ADAMTSL3: variants seen among roughly 807,000 people sequenced by gnomAD.
The protein encoded by ADAMTSL3 is ADAMTS-like protein 3.
A neutral mutation model predicts 201.7 loss-of-function variants in ADAMTSL3; 128 were observed. The ratio of observed to expected loss-of-function variants is 0.63; its 90% confidence interval spans 0.55 to 0.73. The LOEUF (loss-of-function observed/expected upper bound fraction) is 0.73. Ranked by LOEUF, ADAMTSL3 falls within the 30% of genes least tolerant of loss-of-function variation. The probability of loss-of-function intolerance (pLI) is 0.00; values close to 1 mark genes in which losing one functional copy is unlikely to be tolerated. For missense variants in ADAMTSL3, 1,990 were observed against 2,119.6 expected (o/e 0.94, Z 1.20); for synonymous variants, 738 against 748.4 (o/e 0.99, Z 0.23).
At position 84,039,601 on chromosome 15, in the gene ADAMTSL3, CAT is replaced by C. The variant is rs2141956440; in HGVS notation, c.*1796_*1797del. 6.5e-6 allele frequency: 1 copy of C among 152,688 alleles called. No individual in the cohort carries two copies. Among genetic ancestry groups the C allele is most frequent in the Non-Finnish European group, 1.5e-5 (1 of 68,022 alleles). 9.5% of individuals were successfully genotyped at this position (152,688 alleles called of 1,614,324 possible). ...TATTTTGTACAGTATGTAATAAAGA[CAT>C]GGGACATATATTTTTCTTATTAACA... On this transcript the variant is annotated 3_prime_UTR_variant, in exon 30 of 30. Coordinates refer to ENST00000286744, the MANE Select transcript of ADAMTSL3 (RefSeq NM_207517.3).
chr15:83,693,168 G>T (rs1190265122), intron 2 of ADAMTSL3, among the ~76,000 whole-genome samples: 1 of 152,172 alleles, frequency 6.6e-6, no homozygotes, highest in East Asian at 1.9e-4. Flanking sequence ...GGTCTCTGAG[G>T]TTGGCAACAA....
At chr15:83,668,852 C>T (rs1020675337) in intron 2 of ADAMTSL3, among the ~76,000 whole-genome samples, 6 of 152,150 alleles carry the variant, frequency 3.9e-5, no homozygotes, top group Non-Finnish European at 8.8e-5. Flanking sequence ...CTCCCATCCT[C>T]CTTGGACCAA....
chr15:83,657,885 T>C (rs540081572), intron 2 of ADAMTSL3, among the ~76,000 whole-genome samples: 121 of 152,286 alleles, frequency 7.9e-4, no homozygotes, highest in African/African-American at 2.8e-3. Context: ...GTGGGTTGGA[T>C]GCTCTGTTTT....
At chr15:83,694,142 G>T (rs529038449) in intron 2 of ADAMTSL3, among the ~76,000 whole-genome samples, 2 of 152,270 alleles carry the variant, frequency 1.3e-5, no homozygotes, top group South Asian at 4.2e-4. Flanking sequence ...TCAGGGCGTG[G>T]AAGCGATTTT....
chr15:84,016,272 G>GT, intron 24 of ADAMTSL3, 111 bp from the exon 25 acceptor site: 1 of 767,994 alleles, frequency 1.3e-6, no homozygotes, highest in African/African-American at 1.7e-5. Context: ...CAGGAGCACA[G>GT]TATTATTATA....
intron 19 of ADAMTSL3, among the ~76,000 whole-genome samples, chr15:83,953,442 G>T (rs1389724634): frequency 1.3e-5 from 2 of 151,958 alleles, no homozygotes; most frequent in African/African-American, 4.8e-5. Flanking sequence ...CTTTTACTTT[G>T]TCCTCTCACT....
intron 3 of ADAMTSL3, among the ~76,000 whole-genome samples, chr15:83,705,232 G>C (rs1210186007): frequency 6.6e-6 from 1 of 152,156 alleles, no homozygotes; most frequent in African/African-American, 2.4e-5. Flanking sequence ...GAGCAAACCA[G>C]GGTGGACTTT....
intron 19 of ADAMTSL3, among the ~76,000 whole-genome samples, chr15:83,959,834 CT>C (rs1216503871): frequency 1.3e-5 from 2 of 152,336 alleles, no homozygotes; most frequent in East Asian, 3.9e-4. Context: ...GGCATGCTTA[CT>C]TTAACTTAGC....
chr15:84,034,854 A>C (rs1046288466), intron 28 of ADAMTSL3, among the ~76,000 whole-genome samples: 4 of 152,130 alleles, frequency 2.6e-5, no homozygotes, highest in Admixed American at 1.3e-4. Context: ...AAGCTAGTAG[A>C]AACAGGGTTC....
At chr15:83,759,148 G>T (rs1274446349) in intron 3 of ADAMTSL3, among the ~76,000 whole-genome samples, 1 of 151,946 alleles carries the variant, frequency 6.6e-6, no homozygotes, top group African/African-American at 2.4e-5. Flanking sequence ...AAATAGAAAA[G>T]TTAAGAGACT....
intron 15 of ADAMTSL3, among the ~76,000 whole-genome samples, chr15:83,905,034 A>G (rs1306159443): frequency 1.3e-5 from 2 of 152,172 alleles, no homozygotes; most frequent in Admixed American, 6.5e-5. Flanking sequence ...CAACAACCCT[A>G]TGAGGAGGTG....
At chr15:83,723,094 CTT>C (rs1721188765) in intron 3 of ADAMTSL3, among the ~76,000 whole-genome samples, 1 of 151,974 alleles carries the variant, frequency 6.6e-6, no homozygotes, top group Admixed American at 6.6e-5. Context: ...ATGTAAAAGA[CTT>C]TTCAAATGGA....
At chr15:83,811,958 A>G (rs2063705604) in intron 5 of ADAMTSL3, among the ~76,000 whole-genome samples, 1 of 152,316 alleles carries the variant, frequency 6.6e-6, no homozygotes, top group African/African-American at 2.4e-5. Flanking sequence ...TGCAAACCAG[A>G]GGTGCATAAA....
intron 3 of ADAMTSL3, among the ~76,000 whole-genome samples, chr15:83,714,101 G>T (rs1178733865): frequency 6.6e-6 from 1 of 152,158 alleles, no homozygotes; most frequent in Non-Finnish European, 1.5e-5. Flanking sequence ...AGTTACCTTT[G>T]GTAGTACTCT....
chr15:83,876,669 T>A (rs2065183722), intron 9 of ADAMTSL3, among the ~76,000 whole-genome samples: 1 of 152,204 alleles, frequency 6.6e-6, no homozygotes, highest in Non-Finnish European at 1.5e-5. Flanking sequence ...TCTTGCTCTG[T>A]TGCCCAGGCT....
At chr15:83,787,211 G>C (rs958061803) in intron 4 of ADAMTSL3, among the ~76,000 whole-genome samples, 5 of 152,134 alleles carry the variant, frequency 3.3e-5, no homozygotes, top group Non-Finnish European at 7.3e-5. Context: ...CATGAATACC[G>C]TTGTGAGAGT....
At chr15:83,810,409 C>T (rs2063674482) in intron 5 of ADAMTSL3, among the ~76,000 whole-genome samples, 1 of 152,204 alleles carries the variant, frequency 6.6e-6, no homozygotes, top group South Asian at 2.1e-4. Context: ...TTTAAACAAG[C>T]ATGTGGGTGC....
At chr15:83,753,072 G>C (rs925538691) in intron 3 of ADAMTSL3, among the ~76,000 whole-genome samples, 3 of 152,076 alleles carry the variant, frequency 2.0e-5, no homozygotes, top group African/African-American at 7.2e-5. Context: ...TACTAAATGG[G>C]GCTTGGTGAA....
chr15:83,926,460 A>G (rs947434588), intron 17 of ADAMTSL3, among the ~76,000 whole-genome samples: 10 of 152,228 alleles, frequency 6.6e-5, no homozygotes, highest in African/African-American at 1.9e-4. Context: ...AATGGAGACA[A>G]TTAGATCAAG....
Sources: gnomAD v4.1 joint callset for allele counts (sites outside exome capture counted in the v4.1 genomes callset) on GRCh38, gnomAD v4.1.1 for gene constraint, MANE v1.5 for transcripts, NCBI Gene and HGNC (gene_info 2026-07-23, HGNC 2026-07-21) for gene names.